Variants in MNS1 observed in about 807,000 individuals in gnomAD.
The protein encoded by MNS1 is meiosis-specific nuclear structural protein 1.
Under a neutral mutation model 72.0 loss-of-function variants are expected in MNS1, and 63 were observed. The observed-to-expected ratio is 0.87, with a 90% CI of 0.71 to 1.08. MNS1 has a LOEUF of 1.08. MNS1 is among the 50% of genes least tolerant of loss of function. The probability of loss-of-function intolerance (pLI) is 0.00; values close to 1 mark genes in which losing one functional copy is unlikely to be tolerated. For missense variants in MNS1, 604 were observed against 562.4 expected, an observed-to-expected ratio of 1.07 and a Z score of -0.75; for synonymous variants, 188 against 172.1, an observed-to-expected ratio of 1.09 and a Z score of -0.72.
intron 2 of MNS1, among the ~76,000 whole-genome samples, chr15:56,460,013 C>CATATATATATATATATATATAT (rs367624285): frequency 2.9e-4 from 10 of 34,628 alleles, no homozygotes; most frequent in African/African-American, 1.0e-3. Context: ...AAAAAAAATA[C>CATATATATATATATATATATAT]ATATATATAT....
chr15:56,433,134 C>A (rs2050643011), intron 8 of MNS1, among the ~76,000 whole-genome samples: 2 of 151,976 alleles, frequency 1.3e-5, no homozygotes, highest in Non-Finnish European at 2.9e-5. Context: ...ATTATTTGCA[C>A]CCTCAAAATC....
intron 3 of MNS1, among the ~76,000 whole-genome samples, chr15:56,452,288 G>C (rs2050952494): frequency 6.6e-6 from 1 of 152,078 alleles, no homozygotes; most frequent in African/African-American, 2.4e-5. Flanking sequence ...AAAACTAGGT[G>C]CAAAAGGCCT....
At chr15:56,439,863 A>T (rs1012528538) in intron 7 of MNS1, among the ~76,000 whole-genome samples, 9 of 152,036 alleles carry the variant, frequency 5.9e-5, no homozygotes, top group African/African-American at 2.2e-4. Flanking sequence ...GTTGACACAG[A>T]AAGCATGATC....
chr15:56,443,388 T>C, intron 7 of MNS1, 42 bp downstream of exon 7: 1 of 1,397,186 alleles, frequency 7.2e-7, no homozygotes, highest in Non-Finnish European at 9.7e-7. Context: ...CAAAATTATA[T>C]TCTTCTCTAC....
rs1047280101 is a variant in MNS1, at chr15:56,434,909, A to G, written c.1012-514T>C. On this transcript the variant is annotated intron_variant, in intron 7 of 9. Coordinates refer to ENST00000260453, the MANE Select transcript of MNS1 (RefSeq NM_018365.4). ...TAAAAACAATTATCTAGCAATGACA[A>G]TCAGTACTTCTTTAGGGAAATTCAA... 5.3e-5 allele frequency among the ~76,000 whole-genome samples: 8 copies of G among 152,120 alleles called. 1 individual carries two copies. Among genetic ancestry groups the G allele is most frequent in the Non-Finnish European group, 8.8e-5 (6 of 67,982 alleles).
intron 3 of MNS1, among the ~76,000 whole-genome samples, chr15:56,452,373 A>G (rs753755755): frequency 6.6e-6 from 1 of 152,182 alleles, no homozygotes; most frequent in Non-Finnish European, 1.5e-5. Flanking sequence ...CCTGGCAGAC[A>G]ACATTAGAGC....
intron 3 of MNS1, 48 bp downstream of exon 3, chr15:56,456,346 G>C (rs2050981597): frequency 6.5e-7 from 1 of 1,549,158 alleles, no homozygotes; most frequent in South Asian, 1.2e-5. Flanking sequence ...TTACATAAGA[G>C]TTTAAAGATA....
chr15:56,434,705 G>A (rs1372007264), intron 7 of MNS1, among the ~76,000 whole-genome samples: 2 of 151,998 alleles, frequency 1.3e-5, no homozygotes, highest in Non-Finnish European at 2.9e-5. Context: ...TTGCACACCT[G>A]AGTTTATTCA....
intron 3 of MNS1, among the ~76,000 whole-genome samples, chr15:56,448,939 C>A (rs2050928132): frequency 6.6e-6 from 1 of 151,580 alleles, no homozygotes; most frequent in African/African-American, 2.4e-5. Flanking sequence ...ATTTTGAGTA[C>A]AGATGGAGTT....
intron 8 of MNS1, 135 bp from the exon 9 acceptor site, chr15:56,431,633 TAATATATATTTTTAA>T (rs2050599306): frequency 1.6e-6 from 1 of 608,968 alleles, no homozygotes; most frequent in South Asian, 3.5e-5. Context: ...AGATTCTAGA[TAATATATATTTTTAA>T]AATATATATT....
At position 56,464,959 on chromosome 15, in the gene MNS1, A is replaced by G. The variant is rs1481730523; in HGVS notation, c.3+11T>C. 1.9e-6 allele frequency: 3 copies of G among 1,611,654 alleles called. No homozygotes were observed. The highest frequency in any genetic ancestry group is 2.2e-5 in the South Asian group (2 of 90,490). ...ATAAACAAGTAGTTTCAAGTCCCCC[A>G]ACTGGCTCACCATCTTGGCTGACGA... On this transcript the variant is annotated intron_variant, in intron 1 of 9. Coordinates refer to ENST00000260453, the MANE Select transcript of MNS1 (RefSeq NM_018365.4).
chr15:56,456,797 T>G (rs1430084588), intron 2 of MNS1, among the ~76,000 whole-genome samples: 1 of 152,158 alleles, frequency 6.6e-6, no homozygotes, highest in Admixed American at 6.6e-5. Flanking sequence ...GCTAATCTTT[T>G]TTCTCTACCT....
At chr15:56,462,599 C>G (rs2051030510) in intron 2 of MNS1, among the ~76,000 whole-genome samples, 1 of 152,134 alleles carries the variant, frequency 6.6e-6, no homozygotes, top group Non-Finnish European at 1.5e-5. Context: ...CTTAGTTTAG[C>G]AAGCTAAAAA....
intron 2 of MNS1, chr15:56,463,794 A>G: frequency 2.2e-6 from 1 of 461,528 alleles, no homozygotes; most frequent in East Asian, 3.6e-5. Context: ...AAAAAAAAAA[A>G]GTAAAAGCAA....
At chr15:56,431,241 C>G in intron 9 of MNS1, 132 bp downstream of exon 9, 1 of 980,562 alleles carries the variant, frequency 1.0e-6, no homozygotes. Flanking sequence ...AGTGCCTGGA[C>G]AGGAGGATCC....
At chr15:56,459,287 G>C (rs1027712206) in intron 2 of MNS1, among the ~76,000 whole-genome samples, 6 of 152,176 alleles carry the variant, frequency 3.9e-5, no homozygotes, top group African/African-American at 1.4e-4. Context: ...GCATGTATCA[G>C]TAATTCATTC....
intron 7 of MNS1, among the ~76,000 whole-genome samples, chr15:56,436,879 T>G (rs536012910): frequency 6.6e-6 from 1 of 152,136 alleles, no homozygotes; most frequent in Non-Finnish European, 1.5e-5. Context: ...CCTGGACACA[T>G]ACACCCTCCC....
chr15:56,446,058 A>G (rs1357557581), intron 4 of MNS1: 3 of 151,978 alleles, frequency 2.0e-5, no homozygotes, highest in Non-Finnish European at 4.4e-5. Flanking sequence ...ACACACACAT[A>G]TATGTGTCAT....
chr15:56,432,939 T>C (rs1379323894), intron 8 of MNS1, among the ~76,000 whole-genome samples: 1 of 152,206 alleles, frequency 6.6e-6, no homozygotes, highest in Admixed American at 6.5e-5. Context: ...CTACATATTA[T>C]CCATTTGGTT....
Sources: gnomAD v4.1 joint callset for allele counts (sites outside exome capture counted in the v4.1 genomes callset) on GRCh38, gnomAD v4.1.1 for gene constraint, MANE v1.5 for transcripts, NCBI Gene and HGNC (gene_info 2026-07-23, HGNC 2026-07-21) for gene names.